EHBP1: variants seen among roughly 807,000 people sequenced by gnomAD.
The protein encoded by EHBP1 is EH domain binding protein 1, also known as EH domain-binding protein 1.
EHBP1 carries 55 observed loss-of-function variants against 144.0 expected under a neutral mutation model. The observed-to-expected ratio is 0.38, with a 90% CI of 0.31 to 0.48. EHBP1 has a LOEUF of 0.48. Among genes scored for constraint, EHBP1 ranks in the 20% least tolerant of loss-of-function variants. The pLI is 0.98. For missense variants in EHBP1, 1,200 were observed against 1,364.2 expected (o/e 0.88, Z 1.90); for synonymous variants, 469 against 472.7 (o/e 0.99, Z 0.10).
At chr2:62,818,916 A>C (rs1163934942) in intron 5 of EHBP1, among the ~76,000 whole-genome samples, 1 of 152,230 alleles carries the variant, frequency 6.6e-6, no homozygotes, top group Non-Finnish European at 1.5e-5. Context: ...GTAAATTTGA[A>C]ATCTTAGATG....
At chr2:62,709,486 C>T (rs1203324983) in intron 2 of EHBP1, among the ~76,000 whole-genome samples, 3 of 152,136 alleles carry the variant, frequency 2.0e-5, no homozygotes, top group Admixed American at 6.5e-5. Flanking sequence ...AAATCAGTTT[C>T]TTCCTCACAG....
At chr2:62,944,629 C>A (rs2056959965) in intron 12 of EHBP1, among the ~76,000 whole-genome samples, 1 of 152,216 alleles carries the variant, frequency 6.6e-6, no homozygotes, top group South Asian at 2.1e-4. Context: ...TATTTTCCCA[C>A]ATAATTAATC....
chr2:62,944,349 A>C (rs1303090112), intron 12 of EHBP1, among the ~76,000 whole-genome samples: 1 of 152,202 alleles, frequency 6.6e-6, no homozygotes, highest in Admixed American at 6.5e-5. Context: ...CAGACCACAT[A>C]GATGGTGATG....
chr2:62,758,164 A>G (rs1266421535), intron 3 of EHBP1, among the ~76,000 whole-genome samples: 1 of 152,210 alleles, frequency 6.6e-6, no homozygotes, highest in East Asian at 1.9e-4. Context: ...GCTGGAGTGC[A>G]GTGGTGTGAT....
intron 1 of EHBP1, among the ~76,000 whole-genome samples, chr2:62,682,092 C>G (rs1354579511): frequency 1.3e-5 from 2 of 152,174 alleles, no homozygotes; most frequent in Non-Finnish European, 2.9e-5. Flanking sequence ...ACAGAGACCT[C>G]AATCCCTGGA....
chr2:62,979,141 T>C, intron 14 of EHBP1, 47 bp from the exon 15 acceptor site: 2 of 1,563,642 alleles, frequency 1.3e-6, no homozygotes, highest in East Asian at 4.5e-5. Flanking sequence ...AAAATGAAAT[T>C]GCATTTCTGT....
intron 2 of EHBP1, among the ~76,000 whole-genome samples, chr2:62,729,360 TATA>T (rs1282337259): frequency 4.8e-5 from 6 of 125,006 alleles, no homozygotes; most frequent in African/African-American, 1.5e-4. Context: ...TAATAATAAA[TATA>T]ATATAATATA....
rs771934588 is a variant in EHBP1, at chr2:62,769,816, AG to A, written c.259-1522del. ...CTGGTAAAAAAAAAAAAAAAAAAAA[AG>A]CAGGCATGTAGACTAATGGAACAGA... is the stretch of plus-strand genomic sequence containing the variant. On this transcript the variant is annotated intron_variant, in intron 4 of 22. Coordinates refer to ENST00000431489, the MANE Select transcript of EHBP1 (RefSeq NM_001142616.3). Among the ~76,000 whole-genome samples the A allele has an allele frequency of 5.7e-5, 7 of 121,792 alleles. 1 individual carries two copies. Among genetic ancestry groups the A allele is most frequent in the Non-Finnish European group, 3.8e-5 (2 of 52,916 alleles). The allele number at this position is 121,792 out of a possible 152,430, so 79.9% of individuals were successfully genotyped here. A position where few individuals can be genotyped will look rare whatever the true frequency, so the allele number is the denominator to read the frequency against.
intron 2 of EHBP1, among the ~76,000 whole-genome samples, chr2:62,725,960 T>C (rs1368499048): frequency 6.6e-6 from 1 of 151,934 alleles, no homozygotes; most frequent in African/African-American, 2.4e-5. Flanking sequence ...CGCTCAAGGC[T>C]TCTGTGCAAG....
At chr2:62,834,622 T>A (rs1056243639) in intron 7 of EHBP1, among the ~76,000 whole-genome samples, 3 of 152,246 alleles carry the variant, frequency 2.0e-5, no homozygotes, top group Non-Finnish European at 4.4e-5. Context: ...CAAAAAGTTT[T>A]TGTGACTTAC....
intron 7 of EHBP1, among the ~76,000 whole-genome samples, chr2:62,846,252 A>G (rs1331717275): frequency 6.6e-6 from 1 of 152,184 alleles, no homozygotes. Flanking sequence ...TTGGATGGGA[A>G]CGAGGGCTCT....
At chr2:62,791,172 G>A (rs980908458) in intron 5 of EHBP1, among the ~76,000 whole-genome samples, 2 of 151,912 alleles carry the variant, frequency 1.3e-5, no homozygotes, top group African/African-American at 4.8e-5. Context: ...CCAGACTGAG[G>A]TTCTATATAC....
At chr2:62,977,063 A>G (rs1171130108) in intron 14 of EHBP1, among the ~76,000 whole-genome samples, 1 of 151,882 alleles carries the variant, frequency 6.6e-6, no homozygotes, top group Non-Finnish European at 1.5e-5. Flanking sequence ...GGACTCTTAT[A>G]AGAGCCTCCT....
At chr2:62,724,023 G>T (rs144129559) in intron 2 of EHBP1, among the ~76,000 whole-genome samples, 3,265 of 152,308 alleles carry the variant, frequency 0.021, 55 homozygotes, top group Non-Finnish European at 0.032. Flanking sequence ...GGCCTCTCTA[G>T]CTAGGTTGGG....
At chr2:62,820,780 A>ATATG (rs2045922011) in intron 5 of EHBP1, among the ~76,000 whole-genome samples, 1 of 119,080 alleles carries the variant, frequency 8.4e-6, no homozygotes, top group Non-Finnish European at 1.7e-5. Context: ...ATATATATAT[A>ATATG]TGCACATCTA....
At chr2:62,881,270 C>A (rs1485874948) in intron 10 of EHBP1, among the ~76,000 whole-genome samples, 4 of 151,238 alleles carry the variant, frequency 2.6e-5, no homozygotes, top group African/African-American at 7.3e-5. Flanking sequence ...GGGTGAGGAT[C>A]AAAAAAATCT....
intron 10 of EHBP1, among the ~76,000 whole-genome samples, chr2:62,885,770 C>T (rs1008413416): frequency 6.6e-6 from 1 of 152,136 alleles, no homozygotes; most frequent in African/African-American, 2.4e-5. Context: ...CCCCACCGTA[C>T]ATTCCATGAT....
intron 3 of EHBP1, among the ~76,000 whole-genome samples, chr2:62,753,052 A>C (rs1334811155): frequency 1.3e-5 from 2 of 152,152 alleles, no homozygotes; most frequent in African/African-American, 4.8e-5. Flanking sequence ...TTATGATGTT[A>C]GCTGGTTATT....
rs528820140 is a variant in EHBP1, at chr2:62,699,889, C to T, written c.-295-7008C>T. ...GAGTTTCAAGGAAGTCAAGAATGCT[C>T]CTCTGCCTCTAGCAACCAAGCCCAT... On this transcript the variant is annotated intron_variant, in intron 1 of 22. Coordinates refer to the EHBP1 transcript ENST00000405015. Among the ~76,000 whole-genome samples, 139 of 152,322 alleles carry T rather than the reference C, an allele frequency of 9.1e-4. 1 individual carries two copies. The South Asian group carries it at 0.028, about 30-fold the overall frequency.
Sources: gnomAD v4.1 joint callset for allele counts (sites outside exome capture counted in the v4.1 genomes callset) on GRCh38, gnomAD v4.1.1 for gene constraint, MANE v1.5 for transcripts, NCBI Gene and HGNC (gene_info 2026-07-23, HGNC 2026-07-21) for gene names.